Variants in SCHIP1 observed in about 807,000 individuals in gnomAD.
The protein encoded by SCHIP1 is schwannomin-interacting protein 1.
In SCHIP1, 8 loss-of-function variants were observed where a neutral mutation model predicts 29.7. The ratio of observed to expected loss-of-function variants is 0.27; its 90% confidence interval spans 0.16 to 0.49. The LOEUF (loss-of-function observed/expected upper bound fraction) is 0.49, where lower values mean the gene tolerates loss of function less well. Ranked by LOEUF, SCHIP1 falls within the 20% of genes least tolerant of loss-of-function variation. The probability of loss-of-function intolerance (pLI) is 0.99; values close to 1 mark genes in which losing one functional copy is unlikely to be tolerated. For synonymous variants in SCHIP1, 76 were observed against 94.9 expected, an observed-to-expected ratio of 0.80 and a Z score of 1.16; for missense variants, 193 against 294.6, an observed-to-expected ratio of 0.66 and a Z score of 2.52.
At chr3:159,749,358 AT>A in the SCHIP1 span, among the ~76,000 whole-genome samples, 1 of 151,888 alleles carries the variant, frequency 6.6e-6, no homozygotes, top group Non-Finnish European at 1.5e-5. Context: ...TCGAAAGAGA[AT>A]TTAAAAAAAA....
chr3:159,335,393 C>T, the SCHIP1 span, among the ~76,000 whole-genome samples: 24 of 151,992 alleles, frequency 1.6e-4, no homozygotes, highest in Admixed American at 3.9e-4. Context: ...GCACAATGCA[C>T]AGGTTAGTTA....
the SCHIP1 span, among the ~76,000 whole-genome samples, chr3:159,539,200 CT>C: frequency 2.0e-5 from 3 of 151,950 alleles, no homozygotes; most frequent in Non-Finnish European, 2.9e-5. Context: ...CTAAAGAGAT[CT>C]TTTTTTGTAA....
At chr3:159,517,635 T>A in the SCHIP1 span, among the ~76,000 whole-genome samples, 980 of 152,148 alleles carry the variant, frequency 6.4e-3, 10 homozygotes, top group African/African-American at 0.022. Flanking sequence ...AAAATTTTCT[T>A]AAAAACTATT....
the SCHIP1 span, among the ~76,000 whole-genome samples, chr3:159,654,802 T>TAA: frequency 0.077 from 8,033 of 103,658 alleles, 996 homozygotes; most frequent in African/African-American, 0.26. Context: ...TGACTTTAAG[T>TAA]AAAAAAAAAA....
the SCHIP1 span, among the ~76,000 whole-genome samples, chr3:159,711,429 C>T: frequency 7.0e-6 from 1 of 142,600 alleles, no homozygotes; most frequent in East Asian, 2.2e-4. Flanking sequence ...TTCCACCAAG[C>T]TTCGGGTAGG....
At chr3:159,886,442 C>A in intron 3 of SCHIP1, 118 bp downstream of exon 4, 2 of 874,668 alleles carry the variant, frequency 2.3e-6, no homozygotes, top group South Asian at 1.9e-5. Context: ...AGAAAAGTTT[C>A]TTGGAATTGC....
chr3:159,602,040 G>T, the SCHIP1 span, among the ~76,000 whole-genome samples: 2 of 152,174 alleles, frequency 1.3e-5, no homozygotes, highest in East Asian at 3.9e-4. Context: ...ACCTCATAGG[G>T]TTTCCAAATT....
the SCHIP1 span, among the ~76,000 whole-genome samples, chr3:159,623,847 G>A: frequency 6.6e-6 from 1 of 152,118 alleles, no homozygotes; most frequent in East Asian, 1.9e-4. Context: ...TCTCTATTTT[G>A]CCCATACCCC....
chr3:159,538,462 C>A, the SCHIP1 span, among the ~76,000 whole-genome samples: 5 of 151,730 alleles, frequency 3.3e-5, no homozygotes, highest in Admixed American at 2.0e-4. Context: ...GACTTGGGAA[C>A]TTTAAGGGAT....
chr3:159,603,904 C>A, the SCHIP1 span, among the ~76,000 whole-genome samples: 1 of 152,130 alleles, frequency 6.6e-6, no homozygotes, highest in Non-Finnish European at 1.5e-5. Context: ...AAGGGGCTCA[C>A]AAGGATGGCT....
the SCHIP1 span, among the ~76,000 whole-genome samples, chr3:159,593,296 G>A: frequency 1.3e-5 from 2 of 152,084 alleles, no homozygotes; most frequent in East Asian, 1.9e-4. Context: ...TGACACACCC[G>A]AGGAGCCTCA....
chr3:159,511,468 C>T, the SCHIP1 span, among the ~76,000 whole-genome samples: 1 of 152,194 alleles, frequency 6.6e-6, no homozygotes, highest in African/African-American at 2.4e-5. Context: ...GCACTGCATC[C>T]ACTGTCCTGC....
chr3:159,392,672 A>C, the SCHIP1 span, among the ~76,000 whole-genome samples: 9 of 151,910 alleles, frequency 5.9e-5, 1 homozygote, highest in Admixed American at 5.9e-4. Context: ...ATAGTATTCC[A>C]TGGTGTATAT....
the SCHIP1 span, among the ~76,000 whole-genome samples, chr3:159,778,283 G>A: frequency 3.3e-5 from 5 of 152,132 alleles, no homozygotes; most frequent in African/African-American, 7.2e-5. Context: ...GTGAGCCACC[G>A]CGCCCGGCTA....
rs548965034 is a variant in SCHIP1, at chr3:159,872,130, C to G, written c.149+5849C>G. ...CCTTGTGTGCTGTTGTTTCCATTTCCTTTTTCTTTGTGCATATAGATTTGT... is the reference window on the plus strand; with the variant it reads ...CCTTGTGTGCTGTTGTTTCCATTTCGTTTTTCTTTGTGCATATAGATTTGT... On this transcript the variant is annotated intron_variant, in intron 2 of 6. Transcript: ENST00000445224. 4.6e-5 allele frequency among the ~76,000 whole-genome samples: 7 copies of G among 152,166 alleles called. No individual in the cohort carries two copies. In the East Asian group the frequency reaches 1.3e-3, roughly 29 times the overall value.
chr3:159,714,321 C>T, the SCHIP1 span, among the ~76,000 whole-genome samples: 28 of 152,158 alleles, frequency 1.8e-4, no homozygotes, highest in Non-Finnish European at 2.8e-4. Context: ...GCATGAGCCA[C>T]GCAGAAGATG....
chr3:159,765,172 C>G, the SCHIP1 span: 1 of 1,522,932 alleles, frequency 6.6e-7, no homozygotes, highest in Non-Finnish European at 8.8e-7. Context: ...CACGCGCGCA[C>G]ACACGCGTAC....
chr3:159,717,285 A>T, the SCHIP1 span, among the ~76,000 whole-genome samples: 2 of 152,226 alleles, frequency 1.3e-5, no homozygotes, highest in Non-Finnish European at 2.9e-5. Flanking sequence ...AGCAGGAAAG[A>T]TCTAAAATTG....
At chr3:159,394,106 C>T in the SCHIP1 span, among the ~76,000 whole-genome samples, 1 of 150,766 alleles carries the variant, frequency 6.6e-6, no homozygotes, top group African/African-American at 2.5e-5. Context: ...CATGATTTGG[C>T]TCTTTGTTTG....
Sources: gnomAD v4.1 joint callset for allele counts (sites outside exome capture counted in the v4.1 genomes callset) on GRCh38, gnomAD v4.1.1 for gene constraint, MANE v1.5 for transcripts, NCBI Gene and HGNC (gene_info 2026-07-23, HGNC 2026-07-21) for gene names.